Variants in SGCD observed in about 807,000 individuals in gnomAD.
SGCD encodes delta-sarcoglycan.
SGCD carries 18 observed loss-of-function variants against 36.6 expected under a neutral mutation model. That is an observed-to-expected ratio of 0.49 (90% CI 0.34 to 0.73). SGCD has a LOEUF of 0.73. Among genes scored for constraint, SGCD ranks in the 30% least tolerant of loss-of-function variants. The pLI, the probability that SGCD is intolerant of heterozygous loss-of-function variation, is 0.01. For synonymous variants in SGCD, 133 were observed against 130.6 expected (o/e 1.02, Z -0.12); for missense variants, 387 against 346.7 (o/e 1.12, Z -0.92).
rs114482278 is a variant in SGCD at position 155,938,709 on chromosome 5, T to C, written c.-282+68285T>C. ...AAGGATAAGGAAACTGAGCTAATAG[T>C]TTTTCATCCCCTGTGGCACCAGACA... On this transcript the variant is annotated intron_variant, in intron 1 of 9. Transcript: ENST00000517913. 3.8e-3 allele frequency among the ~76,000 whole-genome samples: 584 copies of C among 152,280 alleles called. 2 individuals are homozygous for C. The highest frequency in any genetic ancestry group is 6.7e-3 in the Non-Finnish European group (457 of 68,024).
At chr5:156,592,035 T>A (rs1760741715) in intron 5 of SGCD, among the ~76,000 whole-genome samples, 1 of 152,170 alleles carries the variant, frequency 6.6e-6, no homozygotes, top group Admixed American at 6.5e-5. Flanking sequence ...TTGTACTTTG[T>A]GTTCTCTGAT....
At chr5:156,311,105 G>C (rs1340708832) in intron 3 of SGCD, among the ~76,000 whole-genome samples, 2 of 152,238 alleles carry the variant, frequency 1.3e-5, no homozygotes, top group East Asian at 3.9e-4. Context: ...TGAAATTCAA[G>C]ATGAAAAAAA....
intron 3 of SGCD, among the ~76,000 whole-genome samples, chr5:156,169,166 G>C (rs986108795): frequency 1.3e-5 from 2 of 152,158 alleles, no homozygotes; most frequent in Non-Finnish European, 2.9e-5. Flanking sequence ...CTGCTTCTTT[G>C]ACCACTTGAA....
chr5:156,249,040 G>A (rs1373651331), intron 3 of SGCD, among the ~76,000 whole-genome samples: 1 of 152,190 alleles, frequency 6.6e-6, no homozygotes, highest in African/African-American at 2.4e-5. Flanking sequence ...GTAACTTTGA[G>A]ACACTAAATT....
At chr5:156,685,728 C>A (rs1403170106) in intron 7 of SGCD, among the ~76,000 whole-genome samples, 1 of 152,208 alleles carries the variant, frequency 6.6e-6, no homozygotes, top group Non-Finnish European at 1.5e-5. Context: ...TGGCAGTAAC[C>A]AGTATCTACA....
intron 1 of SGCD, among the ~76,000 whole-genome samples, chr5:156,061,919 CTTTTTTTTTTTTT>C (rs757769130): frequency 0.013 from 967 of 71,782 alleles, 216 homozygotes; most frequent in African/African-American, 0.053. Context: ...GGAGTTTTCA[CTTTTTTTTTTTTT>C]TTTTTTTTTT....
chr5:155,841,863 C>G, the SGCD span, among the ~76,000 whole-genome samples: 1 of 152,094 alleles, frequency 6.6e-6, no homozygotes. Flanking sequence ...ATTCCCTCTC[C>G]CAGTCCTGGC....
chr5:155,785,981 T>C, the SGCD span, among the ~76,000 whole-genome samples: 4 of 152,212 alleles, frequency 2.6e-5, no homozygotes, highest in African/African-American at 9.6e-5. Flanking sequence ...ATTTCACTAA[T>C]GTTACGTTGG....
the SGCD span, among the ~76,000 whole-genome samples, chr5:155,802,437 G>A: frequency 6.6e-6 from 1 of 152,156 alleles, no homozygotes; most frequent in African/African-American, 2.4e-5. Context: ...TATGTACTTA[G>A]TTTAGTTGGG....
At chr5:156,736,064 T>C (rs1756346151) in intron 7 of SGCD, among the ~76,000 whole-genome samples, 1 of 152,112 alleles carries the variant, frequency 6.6e-6, no homozygotes, top group African/African-American at 2.4e-5. Flanking sequence ...CTCCACATTC[T>C]GCTCCCAGAT....
At chr5:156,162,850 A>G (rs1337130514) in intron 3 of SGCD, among the ~76,000 whole-genome samples, 3 of 151,552 alleles carry the variant, frequency 2.0e-5, no homozygotes, top group African/African-American at 7.3e-5. Flanking sequence ...CCTTGACTCT[A>G]AAATCCTTAA....
chr5:155,931,116 G>C (rs1561653772), intron 1 of SGCD, among the ~76,000 whole-genome samples: 1 of 152,000 alleles, frequency 6.6e-6, no homozygotes. Flanking sequence ...ATGATCATAT[G>C]GTATTTGAAC....
intron 1 of SGCD, among the ~76,000 whole-genome samples, chr5:155,891,127 G>A (rs1756119263): frequency 6.6e-6 from 1 of 152,202 alleles, no homozygotes; most frequent in Non-Finnish European, 1.5e-5. Context: ...AGATGAATGA[G>A]CAAAAGTCTT....
chr5:156,321,102 AAAAAACAAATTAAAAACAAAAAC>A (rs1376534832), intron 3 of SGCD, among the ~76,000 whole-genome samples: 1 of 152,178 alleles, frequency 6.6e-6, no homozygotes, highest in African/African-American at 2.4e-5. Context: ...TAATATTTCT[AAAAAACAAATTAAAAACAAAAAC>A]AAAAACAAAA....
At chr5:155,914,017 C>G (rs1756687390) in intron 1 of SGCD, among the ~76,000 whole-genome samples, 1 of 152,152 alleles carries the variant, frequency 6.6e-6, no homozygotes, top group African/African-American at 2.4e-5. Flanking sequence ...GAATGTTGGC[C>G]TTTTGGGATC....
At chr5:156,012,788 A>G (rs1048061662) in intron 1 of SGCD, among the ~76,000 whole-genome samples, 10 of 151,460 alleles carry the variant, frequency 6.6e-5, no homozygotes, top group Non-Finnish European at 1.5e-4. Flanking sequence ...AATATTTTGT[A>G]CTTTTAGTAG....
chr5:156,069,800 T>G (rs1760479203), intron 1 of SGCD, among the ~76,000 whole-genome samples: 1 of 151,934 alleles, frequency 6.6e-6, no homozygotes. Flanking sequence ...TCCTCTTTTA[T>G]TTTGTTGAGC....
chr5:156,336,757 A>G (rs920503450), intron 2 of SGCD, among the ~76,000 whole-genome samples: 1 of 152,248 alleles, frequency 6.6e-6, no homozygotes, highest in Admixed American at 6.5e-5. Flanking sequence ...GGGAGGCTGA[A>G]GGTATGAATG....
At chr5:156,622,761 A>G (rs1208573749) in intron 6 of SGCD, among the ~76,000 whole-genome samples, 3 of 151,982 alleles carry the variant, frequency 2.0e-5, no homozygotes, top group Admixed American at 6.6e-5. Context: ...GTTTTTTCTG[A>G]TTCTTCTTGG....
Sources: allele counts gnomAD v4.1 joint callset (sites outside exome capture counted in the v4.1 genomes callset), GRCh38; gene constraint gnomAD v4.1.1; transcripts MANE v1.5; gene names NCBI Gene and HGNC (gene_info 2026-07-23, HGNC 2026-07-21).